MALT1: variants seen among roughly 807,000 people sequenced by gnomAD.
MALT1 encodes the protein MALT1 paracaspase, also known as mucosa-associated lymphoid tissue lymphoma translocation protein 1.
In MALT1, 36 loss-of-function variants were observed where a neutral mutation model predicts 85.5. That is an observed-to-expected ratio of 0.42 (90% CI 0.32 to 0.56). MALT1 has a LOEUF of 0.56. Ranked by LOEUF, MALT1 falls within the 20% of genes least tolerant of loss-of-function variation. The probability of loss-of-function intolerance (pLI) is 0.10; values close to 1 mark genes in which losing one functional copy is unlikely to be tolerated. For missense variants in MALT1, 716 were observed against 981.6 expected (o/e 0.73, Z 3.62); for synonymous variants, 359 against 361.3 (o/e 0.99, Z 0.07).
intron 3 of MALT1, among the ~76,000 whole-genome samples, chr18:58,699,856 C>G (rs2054646056): frequency 6.6e-6 from 1 of 152,174 alleles, no homozygotes; most frequent in Non-Finnish European, 1.5e-5. Flanking sequence ...GATGGCCATC[C>G]CGTCTTACTG....
rs751434443 is a variant in MALT1, at chr18:58,727,616, G to GTTTTTTTTTTTTTTTTTTTT, written c.1222+4376_1222+4377insTTTTTTTTTTTTTTTTTTTT. Among the ~76,000 whole-genome samples, 168 of 121,192 alleles carry GTTTTTTTTTTTTTTTTTTTT rather than the reference G, an allele frequency of 1.4e-3. 5 individuals are homozygous for GTTTTTTTTTTTTTTTTTTTT. The highest frequency in any genetic ancestry group is 2.7e-3 in the African/African-American group (84 of 30,626). 79.5% of individuals were successfully genotyped at this position (121,192 alleles called of 152,430 possible). ...ACCCAGCCTGCCAAAGGTTTTTTGT[G>GTTTTTTTTTTTTTTTTTTTT]TTTTTTTTTTTGTTTTTTTTTTTTT... On this transcript the variant is annotated intron_variant, in intron 10 of 16. Transcript: ENST00000649217.
At chr18:58,737,769 G>T (rs948569527) in intron 13 of MALT1, among the ~76,000 whole-genome samples, 3 of 152,100 alleles carry the variant, frequency 2.0e-5, no homozygotes, top group African/African-American at 7.2e-5. Flanking sequence ...TTTTGGTAGA[G>T]ATAGGGTTTC....
chr18:58,705,322 G>GTGTGTATA (rs1555685559), intron 4 of MALT1, among the ~76,000 whole-genome samples: 1 of 148,142 alleles, frequency 6.8e-6, no homozygotes, highest in African/African-American at 2.5e-5. Context: ...GTGTGTGTGT[G>GTGTGTATA]TATTTATTTT....
At position 58,734,220 on chromosome 18, in the gene MALT1, T is replaced by G. The variant is rs1299399160; in HGVS notation, c.1401-87T>G. 2.4e-5 allele frequency: 27 copies of G among 1,131,088 alleles called. No individual in the cohort carries two copies. The Admixed American group carries it at 5.7e-4, about 24-fold the overall frequency. The allele number at this position is 1,131,088 out of a possible 1,614,324, so 70.1% of individuals were successfully genotyped here. A position where few individuals can be genotyped will look rare whatever the true frequency, so the allele number is the denominator to read the frequency against. On this transcript the variant is annotated intron_variant, in intron 11 of 16. Coordinates refer to ENST00000649217, the MANE Select transcript of MALT1 (RefSeq NM_006785.4). ...TTAAATTATGTATTCTAAAAAACTG[T>G]TGTATTTTCTCATTATTTATACCCT...
intron 4 of MALT1, among the ~76,000 whole-genome samples, chr18:58,703,538 G>A (rs2144369822): frequency 6.6e-6 from 1 of 152,194 alleles, no homozygotes; most frequent in Non-Finnish European, 1.5e-5. Flanking sequence ...TACAATCATG[G>A]TGGAAGGTGA....
chr18:58,694,909 C>A (rs1213498974), intron 2 of MALT1, among the ~76,000 whole-genome samples: 2 of 152,150 alleles, frequency 1.3e-5, no homozygotes, highest in African/African-American at 4.8e-5. Flanking sequence ...CTGTTTCTTT[C>A]TGTAGAGATA....
Position 58,724,155 on chromosome 18 carries a change from A to T in MALT1, c.1222+904A>T, listed in dbSNP as rs139505555. 1.1e-3 allele frequency among the ~76,000 whole-genome samples: 172 copies of T among 152,304 alleles called. 2 individuals are homozygous for T. Among genetic ancestry groups the T allele is most frequent in the African/African-American group, 3.7e-3 (155 of 41,554 alleles). On this transcript the variant is annotated intron_variant, in intron 10 of 16. Coordinates refer to ENST00000649217, the MANE Select transcript of MALT1 (RefSeq NM_006785.4). ...TTCTGAATTTACTCTTGTTATTTAT[A>T]ATTAGATTGATATGATAAGGCAAGT...
At chr18:58,684,737 C>G (rs975651417) in intron 2 of MALT1, among the ~76,000 whole-genome samples, 1 of 151,974 alleles carries the variant, frequency 6.6e-6, no homozygotes, top group South Asian at 2.1e-4. Flanking sequence ...TGAGCCACTG[C>G]GCCCAGCCAA....
chr18:58,744,872 T>C (rs765114502), intron 15 of MALT1, among the ~76,000 whole-genome samples: 42 of 152,232 alleles, frequency 2.8e-4, no homozygotes, highest in South Asian at 6.2e-4. Flanking sequence ...GCTGGAATAA[T>C]AGAAATCTAG....
At position 58,748,760 on chromosome 18, in the gene MALT1, A is replaced by G. The variant is rs1056089003; in HGVS notation, c.*918A>G. 3 of 195,960 alleles carry G rather than the reference A, an allele frequency of 1.5e-5. No individual in the cohort carries two copies. Among genetic ancestry groups the G allele is most frequent in the African/African-American group, 6.9e-5 (3 of 43,214 alleles). 12.1% of individuals were successfully genotyped at this position (195,960 alleles called of 1,614,324 possible). A position where few individuals can be genotyped will look rare whatever the true frequency, so the allele number is the denominator to read the frequency against. ...GTTGGTTAAAAATGCAATTGGCATTAACAAGGAAAAATACTGAATTAGTAA... is the reference window on the plus strand; with the variant it reads ...GTTGGTTAAAAATGCAATTGGCATTGACAAGGAAAAATACTGAATTAGTAA... On this transcript the variant is annotated 3_prime_UTR_variant, in exon 17 of 17. Coordinates refer to ENST00000649217, the MANE Select transcript of MALT1 (RefSeq NM_006785.4).
intron 10 of MALT1, among the ~76,000 whole-genome samples, chr18:58,730,983 C>T (rs1477246732): frequency 6.6e-6 from 1 of 151,932 alleles, no homozygotes; most frequent in African/African-American, 2.4e-5. Context: ...TGGAGTCTTG[C>T]CCTGTTGCCC....
Position 58,748,275 on chromosome 18 carries a change from A to C in MALT1, c.*433A>C, listed in dbSNP as rs953301289. 4.5e-5 allele frequency: 10 copies of C among 224,230 alleles called. No homozygotes were observed. The highest frequency in any genetic ancestry group is 6.8e-5 in the African/African-American group (3 of 44,404). The allele number at this position is 224,230 out of a possible 1,614,324, so 13.9% of individuals were successfully genotyped here. On this transcript the variant is annotated 3_prime_UTR_variant, in exon 17 of 17. Transcript: ENST00000649217. ...GCATCTAAGTTAGAGCTGGCACCAGAACTGAGACCTCCAGAAATCTATTCC... is the reference window on the plus strand; with the variant it reads ...GCATCTAAGTTAGAGCTGGCACCAGCACTGAGACCTCCAGAAATCTATTCC...
intron 9 of MALT1, among the ~76,000 whole-genome samples, chr18:58,718,840 G>C (rs1602318573): frequency 6.6e-6 from 1 of 152,170 alleles, no homozygotes; most frequent in Non-Finnish European, 1.5e-5. Flanking sequence ...CTTTACCTAA[G>C]AGGCAAAGCC....
chr18:58,701,551 A>G (rs932066557), intron 4 of MALT1, among the ~76,000 whole-genome samples: 1 of 152,166 alleles, frequency 6.6e-6, no homozygotes, highest in Non-Finnish European at 1.5e-5. Context: ...TCTTAGAACA[A>G]AGCCTGGCAG....
chr18:58,703,279 C>G (rs1293504376), intron 4 of MALT1, among the ~76,000 whole-genome samples: 1 of 152,066 alleles, frequency 6.6e-6, no homozygotes, highest in Non-Finnish European at 1.5e-5. Context: ...ATCGCTTGAA[C>G]CCAGGGGGCG....
chr18:58,734,509 C>T (rs2055198319), intron 12 of MALT1, 128 bp downstream of exon 12: 2 of 703,976 alleles, frequency 2.8e-6, no homozygotes, highest in Non-Finnish European at 5.1e-6. Flanking sequence ...TCATAGCTCA[C>T]TGCTCCTGGG....
At chr18:58,692,571 C>CT (rs2054528198) in intron 2 of MALT1, among the ~76,000 whole-genome samples, 1 of 151,818 alleles carries the variant, frequency 6.6e-6, no homozygotes, top group Admixed American at 6.6e-5. Flanking sequence ...ACAATCGTCT[C>CT]TAAGTGTTCA....
intron 7 of MALT1, among the ~76,000 whole-genome samples, chr18:58,711,440 T>C (rs1393622653): frequency 6.6e-6 from 1 of 152,186 alleles, no homozygotes; most frequent in Non-Finnish European, 1.5e-5. Flanking sequence ...TTAAATATTC[T>C]GTATTAATAT....
intron 13 of MALT1, among the ~76,000 whole-genome samples, chr18:58,738,043 G>T (rs372702997): frequency 9.2e-5 from 14 of 152,278 alleles, no homozygotes; most frequent in African/African-American, 3.1e-4. Context: ...GGTTTTCATT[G>T]TGAGTAGATG....
Sources: gnomAD v4.1 joint callset for allele counts (sites outside exome capture counted in the v4.1 genomes callset) on GRCh38, gnomAD v4.1.1 for gene constraint, MANE v1.5 for transcripts, NCBI Gene and HGNC (gene_info 2026-07-23, HGNC 2026-07-21) for gene names.